SLC39A11: variants seen among roughly 807,000 people sequenced by gnomAD.
SLC39A11 encodes the protein zinc transporter ZIP11.
A neutral mutation model predicts 36.1 loss-of-function variants in SLC39A11; 33 were observed. The observed-to-expected ratio is 0.91, with a 90% CI of 0.69 to 1.22. SLC39A11 has a LOEUF of 1.22. Among genes scored for constraint, SLC39A11 ranks in the 50% most tolerant of loss-of-function variants. The pLI, the probability that SLC39A11 is intolerant of heterozygous loss-of-function variation, is 0.00. For synonymous variants in SLC39A11, 166 were observed against 170.3 expected, an observed-to-expected ratio of 0.97 and a Z score of 0.20; for missense variants, 432 against 430.3, an observed-to-expected ratio of 1.00 and a Z score of -0.03.
intron 5 of SLC39A11, among the ~76,000 whole-genome samples, chr17:72,897,068 A>AAC (rs1555620575): frequency 1.2e-4 from 18 of 150,198 alleles, no homozygotes; most frequent in Admixed American, 1.2e-3. Flanking sequence ...AAAAAAAAAA[A>AAC]AAACAAACAG....
chr17:72,818,421 T>C (rs1344247611), intron 6 of SLC39A11, among the ~76,000 whole-genome samples: 1 of 152,170 alleles, frequency 6.6e-6, no homozygotes, highest in Non-Finnish European at 1.5e-5. Context: ...ATGAAGTAGC[T>C]TGTTCCGAGA....
intron 7 of SLC39A11, among the ~76,000 whole-genome samples, chr17:72,708,720 AT>A (rs2072992671): frequency 1.3e-5 from 2 of 152,132 alleles, no homozygotes; most frequent in South Asian, 4.1e-4. Context: ...CTCCTTGAAG[AT>A]ATTCTTCCCA....
chr17:73,081,664 C>CACACACAT (rs1203125491), intron 3 of SLC39A11, among the ~76,000 whole-genome samples: 1 of 122,484 alleles, frequency 8.2e-6, no homozygotes, highest in Non-Finnish European at 1.8e-5. Context: ...CACACACACA[C>CACACACAT]ACACACATAT....
chr17:72,759,935 A>G (rs566702921), intron 6 of SLC39A11, among the ~76,000 whole-genome samples: 2 of 152,336 alleles, frequency 1.3e-5, no homozygotes, highest in East Asian at 3.9e-4. Flanking sequence ...TGTGATACCC[A>G]GAGAAGTATT....
intron 5 of SLC39A11, among the ~76,000 whole-genome samples, chr17:72,862,349 G>GA (rs1242032269): frequency 1.3e-5 from 2 of 152,092 alleles, no homozygotes; most frequent in African/African-American, 4.8e-5. Flanking sequence ...GAGACAGGAG[G>GA]AAAAAAATAA....
intron 5 of SLC39A11, among the ~76,000 whole-genome samples, chr17:72,850,687 AGTGGTTT>A (rs2079268008): frequency 6.6e-6 from 1 of 152,192 alleles, no homozygotes; most frequent in Non-Finnish European, 1.5e-5. Context: ...CTCTCTGTGC[AGTGGTTT>A]TCTGATTCGT....
At chr17:73,048,283 C>T (rs906007283) in intron 3 of SLC39A11, among the ~76,000 whole-genome samples, 1 of 151,796 alleles carries the variant, frequency 6.6e-6, no homozygotes, top group East Asian at 1.9e-4. Flanking sequence ...TGAGAACAGG[C>T]GGTATTTGGT....
At chr17:73,055,424 G>A (rs1048804612) in intron 3 of SLC39A11, among the ~76,000 whole-genome samples, 3 of 151,680 alleles carry the variant, frequency 2.0e-5, no homozygotes, top group Admixed American at 2.0e-4. Flanking sequence ...TAGCTTAGGA[G>A]TACACTTTTT....
chr17:72,949,422 A>G (rs773894606), intron 4 of SLC39A11, among the ~76,000 whole-genome samples: 1 of 151,656 alleles, frequency 6.6e-6, no homozygotes, highest in African/African-American at 2.4e-5. Context: ...CGGCCTCCCA[A>G]AGTGCTGGGA....
chr17:73,071,619 G>A (rs1184727906), intron 3 of SLC39A11, among the ~76,000 whole-genome samples: 8 of 152,192 alleles, frequency 5.3e-5, no homozygotes, highest in East Asian at 3.9e-4. Flanking sequence ...TCAGAAAACC[G>A]TGTCATAAAC....
At chr17:72,778,244 C>CTA in intron 6 of SLC39A11, among the ~76,000 whole-genome samples, 1 of 152,264 alleles carries the variant, frequency 6.6e-6, no homozygotes, top group African/African-American at 2.4e-5. Flanking sequence ...AGTATTAGAA[C>CTA]CATCATTTCA....
chr17:72,707,463 C>T (rs537872335), intron 7 of SLC39A11, among the ~76,000 whole-genome samples: 2 of 152,160 alleles, frequency 1.3e-5, no homozygotes, highest in Non-Finnish European at 2.9e-5. Context: ...ATATTGATTA[C>T]AACTGACACA....
At chr17:72,978,184 T>C (rs1329243496) in intron 4 of SLC39A11, among the ~76,000 whole-genome samples, 1 of 151,218 alleles carries the variant, frequency 6.6e-6, no homozygotes, top group Non-Finnish European at 1.5e-5. Context: ...TCCCTGCCCT[T>C]AGGCGTTCCC....
chr17:73,002,954 T>C (rs60131414), intron 4 of SLC39A11, among the ~76,000 whole-genome samples: 3,224 of 152,266 alleles, frequency 0.021, 116 homozygotes, highest in African/African-American at 0.072. Flanking sequence ...CTTGAGATTG[T>C]ATTTAGGGCC....
At chr17:73,032,962 C>A (rs921751370) in intron 3 of SLC39A11, among the ~76,000 whole-genome samples, 2 of 152,200 alleles carry the variant, frequency 1.3e-5, no homozygotes, top group African/African-American at 2.4e-5. Context: ...TACAGGCCAG[C>A]GGTCCCCAAT....
At chr17:72,914,948 A>G (rs1472663613) in intron 5 of SLC39A11, among the ~76,000 whole-genome samples, 2 of 151,038 alleles carry the variant, frequency 1.3e-5, no homozygotes, top group African/African-American at 2.4e-5. Context: ...GTTTTTGCCA[A>G]TCAAGTCATT....
intron 4 of SLC39A11, among the ~76,000 whole-genome samples, chr17:72,949,969 ACACAC>A (rs1443216793): frequency 6.8e-6 from 1 of 147,760 alleles, no homozygotes; most frequent in Non-Finnish European, 1.5e-5. Context: ...ACACACACAC[ACACAC>A]ACACACACAC....
chr17:72,678,814 G>A (rs1217025879), intron 7 of SLC39A11, among the ~76,000 whole-genome samples: 2 of 152,072 alleles, frequency 1.3e-5, no homozygotes, highest in Non-Finnish European at 2.9e-5. Flanking sequence ...CGACATCCAG[G>A]GTGCAACAAA....
intron 4 of SLC39A11, among the ~76,000 whole-genome samples, chr17:72,989,893 C>T (rs1047110160): frequency 4.6e-5 from 7 of 152,146 alleles, no homozygotes; most frequent in African/African-American, 1.2e-4. Context: ...TGACTGCTCT[C>T]GTTAGAGGCT....
Sources: gnomAD v4.1 joint callset for allele counts (sites outside exome capture counted in the v4.1 genomes callset) on GRCh38, gnomAD v4.1.1 for gene constraint, MANE v1.5 for transcripts, NCBI Gene and HGNC (gene_info 2026-07-23, HGNC 2026-07-21) for gene names.